Variants in TRDMT1 observed in about 807,000 individuals in gnomAD.
The protein encoded by TRDMT1 is tRNA aspartic acid methyltransferase 1, also known as tRNA (cytosine(38)-C(5))-methyltransferase.
Under a neutral mutation model 51.2 loss-of-function variants are expected in TRDMT1, and 49 were observed. The ratio of observed to expected loss-of-function variants is 0.96; its 90% CI spans 0.76 to 1.21. The LOEUF (loss-of-function observed/expected upper bound fraction) is 1.21, where lower values mean the gene tolerates loss of function less well. Among genes scored for constraint, TRDMT1 ranks in the 50% most tolerant of loss-of-function variants. The probability of loss-of-function intolerance (pLI) is 0.00; values close to 1 mark genes in which losing one functional copy is unlikely to be tolerated. For synonymous variants in TRDMT1, 187 were observed against 164.6 expected, an observed-to-expected ratio of 1.14 and a Z score of -1.04; for missense variants, 534 against 462.3, an observed-to-expected ratio of 1.16 and a Z score of -1.42.
At chr10:17,177,208 A>T (rs1487963194) in intron 1 of TRDMT1, among the ~76,000 whole-genome samples, 1 of 149,422 alleles carries the variant, frequency 6.7e-6, no homozygotes, top group African/African-American at 2.4e-5. Context: ...TTATTTATTT[A>T]TTTTTTGAGA....
rs1448175168 is a variant in TRDMT1 at position 17,138,946 on chromosome 10, G to A, written c.*10094C>T. ...AATTGTAACTCAAGCAAATGTTACA[G>A]AAAACATAAAATATGCACTGGAGGG... is the stretch of plus-strand genomic sequence containing the variant. On this transcript the variant is annotated 3_prime_UTR_variant, in exon 11 of 11. Transcript: ENST00000377799. Among the ~76,000 whole-genome samples, 1 of 152,102 alleles carries A rather than the reference G, an allele frequency of 6.6e-6. No individual in the cohort carries two copies. Among genetic ancestry groups the A allele is most frequent in the Admixed American group, 6.6e-5 (1 of 15,262 alleles).
intron 6 of TRDMT1, 51 bp downstream of exon 6, chr10:17,160,254 A>G (rs773386938): frequency 8.0e-7 from 1 of 1,250,578 alleles, no homozygotes; most frequent in Non-Finnish European, 1.1e-6. Flanking sequence ...CTTTGGGAAA[A>G]AAAGCCTTTA....
At chr10:17,194,277 C>T (rs917809477) in intron 1 of TRDMT1, among the ~76,000 whole-genome samples, 8 of 152,218 alleles carry the variant, frequency 5.3e-5, no homozygotes, top group Non-Finnish European at 7.4e-5. Context: ...TCTTCATAAA[C>T]GATTGCAACA....
Position 17,147,028 on chromosome 10 carries a change from C to T in TRDMT1, c.*2012G>A. 2 of 985,630 alleles carry T rather than the reference C, an allele frequency of 2.0e-6. No individual in the cohort carries two copies. The highest frequency in any genetic ancestry group is 2.4e-6 in the Non-Finnish European group (2 of 829,924). The allele number at this position is 985,630 out of a possible 1,614,324, so 61.1% of individuals were successfully genotyped here. A position where few individuals can be genotyped will look rare whatever the true frequency, so the allele number is the denominator to read the frequency against. ...TGTCTACCAGTTTGTAAGCAAATGT[C>T]TCTACAGACCTTTCAAGTATTTATA... On this transcript the variant is annotated 3_prime_UTR_variant, in exon 11 of 11. Coordinates refer to ENST00000377799, the MANE Select transcript of TRDMT1 (RefSeq NM_004412.7).
At chr10:17,200,901 A>C (rs1230858794) in intron 1 of TRDMT1, among the ~76,000 whole-genome samples, 2 of 152,144 alleles carry the variant, frequency 1.3e-5, no homozygotes, top group African/African-American at 4.8e-5. Flanking sequence ...TAATCCTTAT[A>C]ATAATCATTC....
At chr10:17,187,967 ATAATT>A (rs569061984) in intron 1 of TRDMT1, among the ~76,000 whole-genome samples, 75 of 152,348 alleles carry the variant, frequency 4.9e-4, no homozygotes, top group African/African-American at 1.8e-3. Flanking sequence ...TGTATAATTT[ATAATT>A]TAAACATACT....
chr10:17,153,196 A>T (rs1281552108), intron 10 of TRDMT1: 4 of 431,184 alleles, frequency 9.3e-6, no homozygotes, highest in African/African-American at 8.0e-5. Flanking sequence ...AAAAGAAAAT[A>T]AGCTGGAAAG....
At chr10:17,168,077 A>G (rs1841453779) in intron 3 of TRDMT1, among the ~76,000 whole-genome samples, 1 of 152,022 alleles carries the variant, frequency 6.6e-6, no homozygotes. Context: ...TCGAGGTGGG[A>G]GGATAGCTTG....
At chr10:17,164,057 C>G (rs1279621779) in intron 3 of TRDMT1, among the ~76,000 whole-genome samples, 1 of 152,064 alleles carries the variant, frequency 6.6e-6, no homozygotes, top group Non-Finnish European at 1.5e-5. Flanking sequence ...CTGGCAGAGA[C>G]ACAACAAAAA....
chr10:17,161,649 T>A, intron 4 of TRDMT1, 101 bp from the exon 5 acceptor site: 1 of 685,944 alleles, frequency 1.5e-6, no homozygotes, highest in South Asian at 3.4e-5. Context: ...AGTAATTTTC[T>A]GAACTCTTTT....
chr10:17,183,306 T>C (rs1738462430), intron 1 of TRDMT1, among the ~76,000 whole-genome samples: 1 of 152,236 alleles, frequency 6.6e-6, no homozygotes, highest in Admixed American at 6.5e-5. Context: ...ACAGCCAATA[T>C]CAACAGAGGC....
chr10:17,174,527 A>G (rs1331924110), intron 2 of TRDMT1, 24 bp downstream of exon 2: 3 of 1,513,064 alleles, frequency 2.0e-6, no homozygotes, highest in East Asian at 4.5e-5. Context: ...CTACATACTT[A>G]TTAAAACAAT....
At chr10:17,168,776 A>T (rs1388420850) in intron 3 of TRDMT1, 65 bp downstream of exon 3, 2 of 1,165,862 alleles carry the variant, frequency 1.7e-6, no homozygotes, top group Non-Finnish European at 1.2e-6. Context: ...GCCCAGTCTC[A>T]GGTATGTCTT....
intron 2 of TRDMT1, among the ~76,000 whole-genome samples, chr10:17,173,189 T>A (rs1420877084): frequency 1.3e-5 from 2 of 152,106 alleles, no homozygotes; most frequent in East Asian, 3.9e-4. Flanking sequence ...TGTAGGTATT[T>A]ATCCACAATA....
intron 3 of TRDMT1, 118 bp downstream of exon 3, chr10:17,168,723 A>T (rs1231219317): frequency 1.5e-6 from 1 of 674,500 alleles, no homozygotes; most frequent in Non-Finnish European, 2.5e-6. Context: ...TTCCCTAGCC[A>T]CATGGAACTG....
intron 1 of TRDMT1, among the ~76,000 whole-genome samples, chr10:17,181,157 C>T (rs1843236910): frequency 6.6e-6 from 1 of 152,178 alleles, no homozygotes; most frequent in African/African-American, 2.4e-5. Context: ...TAAAGTCAGA[C>T]TAATGAGACA....
chr10:17,178,833 T>C (rs555650088), intron 1 of TRDMT1, among the ~76,000 whole-genome samples: 1 of 152,302 alleles, frequency 6.6e-6, no homozygotes, highest in South Asian at 2.1e-4. Context: ...ATTTACTTTG[T>C]GTCAAGACAT....
chr10:17,156,115 A>C (rs1839461569), intron 8 of TRDMT1, among the ~76,000 whole-genome samples: 1 of 152,216 alleles, frequency 6.6e-6, no homozygotes, highest in African/African-American at 2.4e-5. Flanking sequence ...GTATCATACA[A>C]GATATTAATA....
At chr10:17,174,866 G>C (rs1248490479) in intron 1 of TRDMT1, among the ~76,000 whole-genome samples, 1 of 152,134 alleles carries the variant, frequency 6.6e-6, no homozygotes, top group Non-Finnish European at 1.5e-5. Flanking sequence ...TCTCTAAACA[G>C]CATTCCAATA....
Sources: gnomAD v4.1 joint callset for allele counts (sites outside exome capture counted in the v4.1 genomes callset) on GRCh38, gnomAD v4.1.1 for gene constraint, MANE v1.5 for transcripts, NCBI Gene and HGNC (gene_info 2026-07-23, HGNC 2026-07-21) for gene names.